The following EQTN variants were observed in gnomAD, a reference collection of about 807,000 sequenced individuals.
The protein encoded by EQTN is Acrosome formation associated factor.
In EQTN, 29 loss-of-function variants were observed where a neutral mutation model predicts 26.9. The ratio of observed to expected loss-of-function variants is 1.08; its 90% CI spans 0.80 to 1.47. The LOEUF is 1.47. Among genes scored for constraint, EQTN ranks in the 40% most tolerant of loss-of-function variants. EQTN has a pLI of 0.00. For synonymous variants in EQTN, 129 were observed against 120.0 expected (o/e 1.07, Z -0.49); for missense variants, 391 against 346.1 (o/e 1.13, Z -1.03).
intron 6 of EQTN, 83 bp from the exon 7 acceptor site, chr9:27,286,445 G>A (rs1820125827): frequency 1.3e-5 from 17 of 1,359,402 alleles, no homozygotes; most frequent in Non-Finnish European, 1.7e-5. Context: ...CAAATACAGA[G>A]AAGCAAGCCC....
intron 3 of EQTN, among the ~76,000 whole-genome samples, chr9:27,292,877 C>T (rs1379876596): frequency 6.6e-6 from 1 of 152,108 alleles, no homozygotes; most frequent in Non-Finnish European, 1.5e-5. Context: ...AGTGTAACGA[C>T]GCAAGAAAGG....
intron 6 of EQTN, among the ~76,000 whole-genome samples, chr9:27,287,073 T>G (rs929551461): frequency 6.6e-6 from 1 of 152,200 alleles, no homozygotes; most frequent in East Asian, 1.9e-4. Context: ...TTTTACATTT[T>G]CCTGAATATA....
rs143938034 is a variant in EQTN at position 27,290,479 on chromosome 9, A to G, written c.421+540T>C. ...AACACAGAATATGCAAATAATGATC[A>G]ACTGAATATGGTATATATTTCACAT... is the stretch of plus-strand genomic sequence containing the variant. On this transcript the variant is annotated intron_variant, in intron 5 of 7. Transcript: ENST00000380032. 7.0e-3 allele frequency among the ~76,000 whole-genome samples: 1,062 copies of G among 152,372 alleles called. 15 individuals carry two copies. The highest frequency in any genetic ancestry group is 0.024 in the African/African-American group (983 of 41,580).
intron 6 of EQTN, among the ~76,000 whole-genome samples, chr9:27,287,938 G>A (rs1360111843): frequency 6.6e-6 from 1 of 152,094 alleles, no homozygotes; most frequent in Admixed American, 6.5e-5. Flanking sequence ...TGAGTAGCTG[G>A]GATTACAGGT....
intron 2 of EQTN, among the ~76,000 whole-genome samples, chr9:27,295,025 A>G (rs1820308310): frequency 6.6e-6 from 1 of 152,200 alleles, no homozygotes; most frequent in African/African-American, 2.4e-5. Context: ...TCATAAGATG[A>G]TACAAAATTC....
intron 2 of EQTN, among the ~76,000 whole-genome samples, chr9:27,295,852 A>AAC (rs1554641513): frequency 1.3e-5 from 2 of 151,024 alleles, no homozygotes; most frequent in Admixed American, 6.6e-5. Flanking sequence ...AAAAAAAAAA[A>AAC]AACAACGATA....
At chr9:27,289,255 T>C (rs1463412391) in intron 6 of EQTN, among the ~76,000 whole-genome samples, 1 of 152,172 alleles carries the variant, frequency 6.6e-6, no homozygotes, top group Non-Finnish European at 1.5e-5. Context: ...AGGAAGGTGG[T>C]AATGGTCATG....
In EQTN at chr9:27,296,630, T is replaced by A; in HGVS notation, c.185A>T (p.Tyr62Phe). ...AGACTTACATTGTTTTATATCTTTA[T>A]AATAATTGCCATTTTTCTCATTAGC... The part of the protein sequence containing the change: ...APANEKNGNY[Y>F]KDIKQYVFTT... Residue 62 changes from tyrosine (Y) to phenylalanine (F), a missense_variant, in exon 2 of 8, where the codon TAT (tyrosine) becomes TTT (phenylalanine). Coordinates refer to ENST00000380032, the MANE Select transcript of EQTN (RefSeq NM_020641.3). The A allele has an allele frequency of 6.5e-7, 1 of 1,541,310 alleles. No homozygotes were observed. Among genetic ancestry groups the A allele is most frequent in the African/African-American group, 1.4e-5 (1 of 73,790 alleles).
Position 27,284,786 on chromosome 9 carries a change from C to T in EQTN, c.822G>A (p.Thr274=). The part of the protein sequence containing the change: ...GTRTSESKIM[T]DIISIGSDNE... ...TATCTGAGCCTATGGAAATGATATC[C>T]GTCATTATCTTAGATTCTGATGTTC... is the stretch of plus-strand genomic sequence containing the variant. The change falls in exon 8 of 8, where the codon ACG becomes ACA. Residue 274 remains threonine, a synonymous_variant. Transcript: ENST00000380032. 3 of 1,613,986 alleles carry T rather than the reference C, an allele frequency of 1.9e-6. No homozygotes were observed. Among genetic ancestry groups the T allele is most frequent in the Middle Eastern group, 1.6e-4 (1 of 6,062 alleles).
At chr9:27,291,197 TGG>T in intron 4 of EQTN, 134 bp from the exon 5 acceptor site, 1 of 691,466 alleles carries the variant, frequency 1.4e-6, no homozygotes, top group East Asian at 2.8e-5. Flanking sequence ...GTCAGACCTG[TGG>T]TTGGCACTAA....
At chr9:27,296,520 A>C in intron 2 of EQTN, 93 bp downstream of exon 2, 4 of 894,368 alleles carry the variant, frequency 4.5e-6, no homozygotes, top group Non-Finnish European at 6.7e-6. Context: ...CAACAAATAC[A>C]GGGGGAAATG....
intron 5 of EQTN, 129 bp downstream of exon 5, chr9:27,290,890 G>T: frequency 3.3e-6 from 2 of 608,012 alleles, no homozygotes; most frequent in Non-Finnish European, 5.3e-6. Context: ...TTTGAAGTTT[G>T]CTATTACATG....
Position 27,296,708 on chromosome 9 carries a change from T to A in EQTN, c.107A>T (p.Asp36Val). The part of the protein sequence containing the change: ...ALPNVLPLNE[D>V]VNKQEEKNED... ...ATTCTTTTCTTCCTGCTTATTAACA[T>A]CTTCATTTAAAGGTAGCACATTAGG... is the stretch of plus-strand genomic sequence containing the variant. Residue 36 changes from aspartate to valine, a missense_variant, in exon 2 of 8, where the codon GAT (aspartate) becomes GTT (valine). Coordinates refer to ENST00000380032, the MANE Select transcript of EQTN (RefSeq NM_020641.3). The A allele has an allele frequency of 6.2e-7, 1 of 1,610,024 alleles. No homozygotes were observed. Among genetic ancestry groups the A allele is most frequent in the African/African-American group, 1.3e-5 (1 of 74,866 alleles).
At chr9:27,295,442 T>C (rs1333898303) in intron 2 of EQTN, among the ~76,000 whole-genome samples, 1 of 152,214 alleles carries the variant, frequency 6.6e-6, no homozygotes, top group Admixed American at 6.5e-5. Flanking sequence ...AGTAGGGACT[T>C]GGTGTTAGAC....
chr9:27,296,129 C>G (rs113035381), intron 2 of EQTN, among the ~76,000 whole-genome samples: 1 of 151,888 alleles, frequency 6.6e-6, no homozygotes, highest in Non-Finnish European at 1.5e-5. Flanking sequence ...GATGAAACAC[C>G]GTTTCTACAA....
In EQTN at chr9:27,284,768, G is replaced by T. The variant is rs1820081709; in HGVS notation, c.840C>A (p.Gly280=). The T allele has an allele frequency of 1.2e-6, 2 of 1,613,892 alleles. No individual in the cohort carries two copies. The highest frequency in any genetic ancestry group is 1.7e-6 in the Non-Finnish European group (2 of 1,179,986). Residue 280 remains glycine, a synonymous_variant, in exon 8 of 8, where the codon GGC becomes GGA. Transcript: ENST00000380032. ...CGTTTTCATGCATCTCATTATCTGA[G>T]CCTATGGAAATGATATCCGTCATTA... ...SKIMTDIISI[G]SDNEMHENDE...
chr9:27,287,896 C>T (rs530136820), intron 6 of EQTN, among the ~76,000 whole-genome samples: 4 of 152,138 alleles, frequency 2.6e-5, no homozygotes, highest in Non-Finnish European at 4.4e-5. Flanking sequence ...CTCTGCCTCC[C>T]GGGTTCAAGT....
chr9:27,291,785 T>C (rs944529397), intron 4 of EQTN, among the ~76,000 whole-genome samples: 2 of 152,196 alleles, frequency 1.3e-5, no homozygotes, highest in African/African-American at 4.8e-5. Flanking sequence ...CATACTTGGA[T>C]TGCATAAACT....
intron 6 of EQTN, among the ~76,000 whole-genome samples, chr9:27,288,171 C>T (rs1408720609): frequency 6.6e-6 from 1 of 152,066 alleles, no homozygotes; most frequent in Non-Finnish European, 1.5e-5. Flanking sequence ...GGGGACAGGT[C>T]TTAGATATAT....
Sources: gnomAD v4.1 joint callset for allele counts (sites outside exome capture counted in the v4.1 genomes callset) on GRCh38, gnomAD v4.1.1 for gene constraint, MANE v1.5 for transcripts, NCBI Gene and HGNC (gene_info 2026-07-23, HGNC 2026-07-21) for gene names.